Variants in DNAI4 observed in about 807,000 individuals in gnomAD.
DNAI4 encodes the protein WD repeat domain 78.
In DNAI4, 85 loss-of-function variants were observed where a neutral mutation model predicts 105.8. The ratio of observed to expected loss-of-function variants is 0.80; its 90% CI spans 0.67 to 0.96. The LOEUF (loss-of-function observed/expected upper bound fraction) is 0.96. Among genes scored for constraint, DNAI4 ranks in the 40% least tolerant of loss-of-function variants. The probability of loss-of-function intolerance (pLI) is 0.00; values close to 1 mark genes in which losing one functional copy is unlikely to be tolerated. For synonymous variants in DNAI4, 352 were observed against 331.5 expected (o/e 1.06, Z -0.67); for missense variants, 1,014 against 1,005.6 (o/e 1.01, Z -0.11).
At chr1:66,899,849 TA>T (rs888516061) in intron 2 of DNAI4, among the ~76,000 whole-genome samples, 4 of 152,184 alleles carry the variant, frequency 2.6e-5, no homozygotes, top group Non-Finnish European at 4.4e-5. Flanking sequence ...TCGGCAATCA[TA>T]AAAAAATCAG....
In DNAI4 at chr1:66,892,950, G is replaced by GAAGAAAGAAAGAAAGAAAGAAAGA. The variant is rs71058479; in HGVS notation, c.530+255_530+278dup. ...AGAAAGAGAAGAAAGAGAAGAAAGA[G>GAAGAAAGAAAGAAAGAAAGAAAGA]AAGAAAGAAAGAAAGAAAGAAAGAA... On this transcript the variant is annotated intron_variant, in intron 3 of 16. Transcript: ENST00000371026. 1.1e-3 allele frequency among the ~76,000 whole-genome samples: 105 copies of GAAGAAAGAAAGAAAGAAAGAAAGA among 91,972 alleles called. 1 individual carries two copies. Among genetic ancestry groups the GAAGAAAGAAAGAAAGAAAGAAAGA allele is most frequent in the East Asian group, 4.6e-3 (17 of 3,688 alleles). 60.3% of individuals were successfully genotyped at this position (91,972 alleles called of 152,430 possible).
intron 8 of DNAI4, among the ~76,000 whole-genome samples, chr1:66,843,613 C>T: frequency 6.6e-6 from 1 of 152,058 alleles, no homozygotes; most frequent in Admixed American, 6.5e-5. Context: ...TTGTAAGATC[C>T]AAGGTCATCT....
intron 16 of DNAI4, among the ~76,000 whole-genome samples, chr1:66,818,668 C>T (rs978550939): frequency 2.0e-5 from 3 of 152,078 alleles, no homozygotes; most frequent in African/African-American, 7.2e-5. Flanking sequence ...CCTGTAATCC[C>T]AGCACTTTGG....
At chr1:66,835,861 G>T in intron 10 of DNAI4, 84 bp from the exon 11 acceptor site, 2 of 1,236,100 alleles carry the variant, frequency 1.6e-6, no homozygotes, top group Non-Finnish European at 2.3e-6. Context: ...ATTTAGTTTG[G>T]TGGCAGTGGG....
chr1:66,885,452 A>G (rs1319007520), intron 4 of DNAI4, among the ~76,000 whole-genome samples: 1 of 152,166 alleles, frequency 6.6e-6, no homozygotes, highest in Non-Finnish European at 1.5e-5. Context: ...ATTTTTCTGG[A>G]TATAGAATTA....
chr1:66,871,502 T>C lies in DNAI4; in HGVS notation c.808A>G (p.Asn270Asp). Residue 270 changes from asparagine (N) to aspartate (D), a missense_variant, in exon 6 of 17, where the codon AAC becomes GAC. Coordinates refer to ENST00000371026, the MANE Select transcript of DNAI4 (RefSeq NM_024763.5). The part of the protein sequence containing the change: ...SEEAEKVTQR[N>D]KNYEVLCRNR... ...CTACAAAGGACTTCATAATTCTTGT[T>C]TCTCTGACTGTAAAAAATAAAGTGT... is the stretch of plus-strand genomic sequence containing the variant. 6.3e-7 allele frequency: 1 copy of C among 1,586,308 alleles called. No individual in the cohort carries two copies. The highest frequency in any genetic ancestry group is 8.6e-7 in the Non-Finnish European group (1 of 1,169,346).
intron 7 of DNAI4, chr1:66,848,198 A>AT (rs2100531175): frequency 2.2e-6 from 1 of 456,048 alleles, no homozygotes; most frequent in African/African-American, 2.0e-5. Flanking sequence ...TGTTTCCTTG[A>AT]TTTTTTCAGT....
chr1:66,889,826 C>T (rs1251539601), intron 4 of DNAI4, among the ~76,000 whole-genome samples: 2 of 152,166 alleles, frequency 1.3e-5, no homozygotes, highest in African/African-American at 4.8e-5. Flanking sequence ...CTGGATTGAG[C>T]TTCCCCTACT....
intron 1 of DNAI4, among the ~76,000 whole-genome samples, chr1:66,921,572 C>A (rs1190198726): frequency 6.6e-6 from 1 of 152,190 alleles, no homozygotes; most frequent in East Asian, 1.9e-4. Context: ...AAATTGTCAA[C>A]ATTTAAGAAA....
At chr1:66,871,615 G>T (rs1569680743) in intron 5 of DNAI4, 106 bp from the exon 6 acceptor site, 12 of 1,166,066 alleles carry the variant, frequency 1.0e-5, no homozygotes, top group Non-Finnish European at 1.4e-5. Context: ...AATGTGGCTT[G>T]CACCAAAAAG....
intron 1 of DNAI4, among the ~76,000 whole-genome samples, chr1:66,919,378 A>G (rs1650297106): frequency 1.3e-5 from 2 of 152,230 alleles, no homozygotes; most frequent in African/African-American, 2.4e-5. Flanking sequence ...TTCTTCCTCT[A>G]TTTAAGGAGA....
chr1:66,853,018 C>T (rs540214163), intron 7 of DNAI4, among the ~76,000 whole-genome samples: 36 of 152,340 alleles, frequency 2.4e-4, no homozygotes, highest in Non-Finnish European at 5.1e-4. Context: ...AAGATAGCTA[C>T]TCTCTAGAAG....
intron 1 of DNAI4, chr1:66,921,403 T>TAAAAGAAGG (rs1650468948): frequency 6.6e-6 from 1 of 152,220 alleles, no homozygotes; most frequent in African/African-American, 2.4e-5. Context: ...GATTAAGTCC[T>TAAAAGAAGG]AAAAGAAGGA....
At chr1:66,900,877 C>A (rs1013974457) in intron 2 of DNAI4, among the ~76,000 whole-genome samples, 2 of 152,090 alleles carry the variant, frequency 1.3e-5, no homozygotes, top group East Asian at 3.8e-4. Context: ...GAACTGGATG[C>A]CTTTTATTTC....
intron 15 of DNAI4, among the ~76,000 whole-genome samples, chr1:66,824,250 T>C (rs1645699722): frequency 6.9e-6 from 1 of 144,284 alleles, no homozygotes; most frequent in African/African-American, 2.5e-5. Context: ...GAGGGCTCTG[T>C]TCTGTTCCAT....
chr1:66,874,673 T>G (rs1048747018), intron 5 of DNAI4, 108 bp downstream of exon 5: 1 of 1,073,230 alleles, frequency 9.3e-7, no homozygotes, highest in Non-Finnish European at 1.3e-6. Context: ...CCAAACCCCA[T>G]AGTGTATACC....
chr1:66,838,358 C>T (rs1646074799), intron 9 of DNAI4, among the ~76,000 whole-genome samples: 1 of 152,136 alleles, frequency 6.6e-6, no homozygotes, highest in African/African-American at 2.4e-5. Context: ...TCTCTCTCTG[C>T]CATGTGAGGA....
intron 7 of DNAI4, among the ~76,000 whole-genome samples, chr1:66,855,895 C>T (rs187344161): frequency 2.6e-5 from 4 of 152,150 alleles, no homozygotes; most frequent in South Asian, 2.1e-4. Context: ...AGTGTGATGG[C>T]GCAATCTGGG....
chr1:66,869,705 G>A (rs1374621238), intron 6 of DNAI4, among the ~76,000 whole-genome samples: 1 of 152,144 alleles, frequency 6.6e-6, no homozygotes, highest in Non-Finnish European at 1.5e-5. Context: ...TGTTTAGATT[G>A]GCTGATACAG....
Sources: gnomAD v4.1 joint callset for allele counts (sites outside exome capture counted in the v4.1 genomes callset) on GRCh38, gnomAD v4.1.1 for gene constraint, MANE v1.5 for transcripts, NCBI Gene and HGNC (gene_info 2026-07-23, HGNC 2026-07-21) for gene names.